The following FAM222B variants were observed in gnomAD, a reference collection of about 807,000 sequenced individuals.
FAM222B encodes protein FAM222B.
Under a neutral mutation model 38.0 loss-of-function variants are expected in FAM222B, and 12 were observed. The observed-to-expected ratio is 0.32, with a 90% confidence interval of 0.20 to 0.51. FAM222B has a LOEUF of 0.51. Among genes scored for constraint, FAM222B ranks in the 20% least tolerant of loss-of-function variants. The pLI, the probability that FAM222B is intolerant of heterozygous loss-of-function variation, is 0.97. For missense variants in FAM222B, 716 were observed against 754.2 expected, an observed-to-expected ratio of 0.95 and a Z score of 0.59; for synonymous variants, 329 against 317.2, an observed-to-expected ratio of 1.04 and a Z score of -0.40.
intron 1 of FAM222B, among the ~76,000 whole-genome samples, chr17:28,790,887 T>A (rs914233811): frequency 0.1 from 7,077 of 71,032 alleles, 1,813 homozygotes; most frequent in African/African-American, 0.13. Flanking sequence ...TGTTTCACTT[T>A]TTTTTTTTTT....
chr17:28,845,909 A>G (rs2039142292), upstream of FAM222B, among the ~76,000 whole-genome samples: 1 of 151,094 alleles, frequency 6.6e-6, no homozygotes, highest in Admixed American at 6.6e-5. Flanking sequence ...AGAAAAATAA[A>G]TAAATAAATA....
Position 28,757,491 on chromosome 17 carries a change from T to G in FAM222B, c.*779A>C, listed in dbSNP as rs1430399578. The G allele has an allele frequency of 1.3e-5, 2 of 151,278 alleles. No homozygotes were observed. Among genetic ancestry groups the G allele is most frequent in the Non-Finnish European group, 2.9e-5 (2 of 67,856 alleles). The allele number at this position is 151,278 out of a possible 1,614,324, so 9.4% of individuals were successfully genotyped here. On this transcript the variant is annotated 3_prime_UTR_variant, in exon 3 of 3. Transcript: ENST00000581407. ...GTTGAGGGGGAAAGGATAGGGGCTG[T>G]GGGGAGGTGAGTTAGGGGACAGGCA... is the stretch of plus-strand genomic sequence containing the variant.
intron 1 of FAM222B, among the ~76,000 whole-genome samples, chr17:28,786,894 ATTTTTTTTTTTTTT>A (rs34396988): frequency 3.1e-4 from 22 of 72,030 alleles, no homozygotes; most frequent in African/African-American, 9.0e-4. Flanking sequence ...CCTTCACTGT[ATTTTTTTTTTTTTT>A]TTTTTTTTTT....
intron 1 of FAM222B, among the ~76,000 whole-genome samples, chr17:28,828,842 CG>C (rs985609288): frequency 4.0e-5 from 6 of 151,750 alleles, no homozygotes; most frequent in Non-Finnish European, 8.8e-5. Context: ...AATCAAAATA[CG>C]GAACAGTCAT....
At chr17:28,779,268 T>C (rs1255872724) in intron 1 of FAM222B, among the ~76,000 whole-genome samples, 7 of 152,022 alleles carry the variant, frequency 4.6e-5, no homozygotes, top group Non-Finnish European at 1.0e-4. Flanking sequence ...TGAACAAATA[T>C]GCAAAAATCC....
intron 1 of FAM222B, among the ~76,000 whole-genome samples, chr17:28,784,870 C>T (rs1455176437): frequency 6.6e-6 from 1 of 151,932 alleles, no homozygotes; most frequent in African/African-American, 2.4e-5. Context: ...CCCACCTCAG[C>T]CTTCTGAGTA....
chr17:28,788,134 C>G (rs1007665833), intron 1 of FAM222B, among the ~76,000 whole-genome samples: 3 of 151,166 alleles, frequency 2.0e-5, no homozygotes, highest in Non-Finnish European at 4.4e-5. Context: ...TAAAGCAGTC[C>G]TTTAAACCTC....
chr17:28,769,346 T>C (rs1006901369), intron 1 of FAM222B, among the ~76,000 whole-genome samples: 1 of 151,078 alleles, frequency 6.6e-6, no homozygotes, highest in South Asian at 2.1e-4. Flanking sequence ...GCCCGGATAA[T>C]TTTTTTTTGT....
intron 1 of FAM222B, among the ~76,000 whole-genome samples, chr17:28,827,065 T>G (rs2038466876): frequency 6.6e-6 from 1 of 152,094 alleles, no homozygotes; most frequent in Admixed American, 6.6e-5. Context: ...GAGGATCATT[T>G]AGGCCCAGGA....
chr17:28,771,221 G>A (rs902318394), intron 1 of FAM222B, among the ~76,000 whole-genome samples: 3 of 151,860 alleles, frequency 2.0e-5, no homozygotes, highest in Admixed American at 6.6e-5. Flanking sequence ...CTCAATCATC[G>A]GATCTGGAAT....
rs562172799 is a variant in FAM222B, at chr17:28,817,002, C to A, written c.-41+25680G>T. Among the ~76,000 whole-genome samples the A allele has an allele frequency of 3.3e-5, 5 of 152,092 alleles. No homozygotes were observed. In the South Asian group the frequency reaches 8.3e-4, roughly 25 times the overall value. On this transcript the variant is annotated intron_variant, in intron 1 of 2. Transcript: ENST00000581407. ...ATTCACTAACATCATCAAATATGTA[C>A]TGTATTCCTGTATGCCTGAAATTCT...
chr17:28,813,042 A>G (rs914339894), intron 1 of FAM222B, among the ~76,000 whole-genome samples: 4,769 of 10,546 alleles, frequency 0.45, 163 homozygotes, highest in East Asian at 0.48. Flanking sequence ...GGGGGGGGGG[A>G]GGGGGGGGCG....
intron 1 of FAM222B, among the ~76,000 whole-genome samples, chr17:28,841,510 G>A (rs1230903691): frequency 1.3e-5 from 2 of 151,892 alleles, no homozygotes; most frequent in Non-Finnish European, 1.5e-5. Flanking sequence ...AAGCAGCTGG[G>A]ATTACAGGCG....
intron 1 of FAM222B, among the ~76,000 whole-genome samples, chr17:28,820,744 G>A (rs766020747): frequency 1.1e-4 from 17 of 149,862 alleles, no homozygotes; most frequent in Non-Finnish European, 2.2e-4. Flanking sequence ...AGCAATTCTC[G>A]TGCCTTGGCC....
At chr17:28,780,780 G>T (rs942055330) in intron 1 of FAM222B, among the ~76,000 whole-genome samples, 2 of 151,916 alleles carry the variant, frequency 1.3e-5, no homozygotes, top group African/African-American at 4.8e-5. Flanking sequence ...TACTCGGAAG[G>T]CTGCAGCAGG....
intron 1 of FAM222B, among the ~76,000 whole-genome samples, chr17:28,787,090 AATTT>A (rs916376438): frequency 4.6e-5 from 7 of 151,780 alleles, no homozygotes; most frequent in African/African-American, 1.7e-4. Context: ...ACGCCCAGCT[AATTT>A]TTTTGTATTT....
chr17:28,802,342 C>A (rs1438307313), intron 1 of FAM222B: 1 of 151,658 alleles, frequency 6.6e-6, no homozygotes, highest in African/African-American at 2.4e-5. Context: ...AAGTGATCCA[C>A]CCACCTCGGC....
intron 1 of FAM222B, among the ~76,000 whole-genome samples, chr17:28,839,448 A>C (rs1377410517): frequency 6.6e-6 from 1 of 152,164 alleles, no homozygotes; most frequent in Non-Finnish European, 1.5e-5. Flanking sequence ...TAACAGAAGG[A>C]GAGGAGGACA....
At chr17:28,817,492 G>A (rs2038067020) in intron 1 of FAM222B, among the ~76,000 whole-genome samples, 1 of 150,500 alleles carries the variant, frequency 6.6e-6, no homozygotes, top group African/African-American at 2.4e-5. Flanking sequence ...GGGAGGCCGA[G>A]GCTGGACTAC....
Sources: allele counts gnomAD v4.1 joint callset (sites outside exome capture counted in the v4.1 genomes callset), GRCh38; gene constraint gnomAD v4.1.1; transcripts MANE v1.5; gene names NCBI Gene and HGNC (gene_info 2026-07-23, HGNC 2026-07-21).